The following CCSER1 variants were observed in gnomAD, a reference collection of about 807,000 sequenced individuals.
The protein encoded by CCSER1 is serine-rich coiled-coil domain-containing protein 1.
Under a neutral mutation model 82.0 loss-of-function variants are expected in CCSER1, and 41 were observed. The observed-to-expected ratio is 0.50, with a 90% confidence interval of 0.39 to 0.65. The LOEUF (loss-of-function observed/expected upper bound fraction) is 0.65, where lower values mean the gene tolerates loss of function less well. Among genes scored for constraint, CCSER1 ranks in the 30% least tolerant of loss-of-function variants. The pLI, the probability that CCSER1 is intolerant of heterozygous loss-of-function variation, is 0.00. For missense variants in CCSER1, 1,119 were observed against 1,064.2 expected, an observed-to-expected ratio of 1.05 and a Z score of -0.72; for synonymous variants, 414 against 383.9, an observed-to-expected ratio of 1.08 and a Z score of -0.92.
At chr4:91,384,333 G>A (rs893138937) in intron 10 of CCSER1, among the ~76,000 whole-genome samples, 1 of 151,900 alleles carries the variant, frequency 6.6e-6, no homozygotes, top group Non-Finnish European at 1.5e-5. Flanking sequence ...AAGTAACTGG[G>A]AAAACAATTC....
chr4:90,198,828 T>C (rs1366260564), intron 1 of CCSER1, among the ~76,000 whole-genome samples: 1 of 152,200 alleles, frequency 6.6e-6, no homozygotes, highest in East Asian at 1.9e-4. Flanking sequence ...TATAAAGCTT[T>C]GCATGAATAG....
intron 5 of CCSER1, among the ~76,000 whole-genome samples, chr4:90,602,068 G>C (rs1279520113): frequency 6.6e-6 from 1 of 152,086 alleles, no homozygotes; most frequent in East Asian, 1.9e-4. Flanking sequence ...TGTTGTTCTA[G>C]TCTTCTACAT....
chr4:91,467,802 A>G (rs1202057314), intron 10 of CCSER1, among the ~76,000 whole-genome samples: 1 of 152,232 alleles, frequency 6.6e-6, no homozygotes, highest in Non-Finnish European at 1.5e-5. Flanking sequence ...CCACAATGAG[A>G]TACCATCTCA....
At chr4:90,778,244 G>C (rs1042331489) in intron 7 of CCSER1, among the ~76,000 whole-genome samples, 5 of 152,084 alleles carry the variant, frequency 3.3e-5, no homozygotes, top group Non-Finnish European at 5.9e-5. Context: ...TGTTGAGTCT[G>C]TATTTTACAC....
intron 10 of CCSER1, among the ~76,000 whole-genome samples, chr4:91,366,128 C>T (rs1749598331): frequency 6.6e-6 from 1 of 152,116 alleles, no homozygotes; most frequent in Non-Finnish European, 1.5e-5. Flanking sequence ...AAGTGAGTCT[C>T]CTGACTCAGC....
At chr4:90,955,104 T>C (rs183809046) in intron 9 of CCSER1, among the ~76,000 whole-genome samples, 1 of 152,332 alleles carries the variant, frequency 6.6e-6, no homozygotes, top group East Asian at 1.9e-4. Context: ...CGTGTTCGTG[T>C]TCTATGTATT....
chr4:90,863,083 T>G (rs1261378954), intron 8 of CCSER1, among the ~76,000 whole-genome samples: 3 of 150,966 alleles, frequency 2.0e-5, no homozygotes, highest in South Asian at 4.2e-4. Flanking sequence ...ATGCTATCCC[T>G]CCCCGCTCCC....
At chr4:91,594,430 C>CACAT (rs1367112124) in intron 10 of CCSER1, among the ~76,000 whole-genome samples, 1 of 146,964 alleles carries the variant, frequency 6.8e-6, no homozygotes, top group Admixed American at 6.9e-5. Flanking sequence ...TACATATATA[C>CACAT]ATATACACAC....
rs1278390740 is a variant in CCSER1 at position 90,188,486 on chromosome 4, G to A, written c.-42+60655G>A. On this transcript the variant is annotated intron_variant, in intron 1 of 10. Transcript: ENST00000509176. The stretch of plus-strand genomic sequence containing the variant: ...AAGATTACCAAATAAATGCTGAAAT[G>A]TGAAAATATCAAAACCAATTATTTT... Among the ~76,000 whole-genome samples, 4 of 123,888 alleles carry A rather than the reference G, an allele frequency of 3.2e-5. No homozygotes were observed. In the East Asian group the frequency reaches 7.8e-4, roughly 24 times the overall value. 81.3% of individuals were successfully genotyped at this position (123,888 alleles called of 152,430 possible).
At chr4:90,606,065 C>T (rs1185054091) in intron 5 of CCSER1, among the ~76,000 whole-genome samples, 4 of 151,890 alleles carry the variant, frequency 2.6e-5, no homozygotes, top group Admixed American at 2.6e-4. Flanking sequence ...AGGAATTTCC[C>T]TTTGAAAGAA....
intron 10 of CCSER1, among the ~76,000 whole-genome samples, chr4:91,102,899 G>C (rs1725222981): frequency 6.6e-6 from 1 of 152,010 alleles, no homozygotes; most frequent in Non-Finnish European, 1.5e-5. Context: ...GAAGCTAATT[G>C]CCACCTCAAA....
intron 5 of CCSER1, among the ~76,000 whole-genome samples, chr4:90,514,036 A>T (rs1221646218): frequency 6.6e-6 from 1 of 152,172 alleles, no homozygotes; most frequent in African/African-American, 2.4e-5. Flanking sequence ...TTCAAGCAGG[A>T]GCCAGATTTC....
intron 5 of CCSER1, among the ~76,000 whole-genome samples, chr4:90,597,643 C>T (rs1579373088): frequency 6.6e-6 from 1 of 151,968 alleles, no homozygotes; most frequent in African/African-American, 2.4e-5. Flanking sequence ...TATCTGTCAT[C>T]TGGTATACTT....
chr4:90,720,561 T>C (rs1742498724), intron 6 of CCSER1, among the ~76,000 whole-genome samples: 1 of 152,044 alleles, frequency 6.6e-6, no homozygotes, highest in Non-Finnish European at 1.5e-5. Context: ...CAAGATTTAA[T>C]AGAGTGAAAA....
At chr4:91,128,345 T>G (rs1727692276) in intron 10 of CCSER1, among the ~76,000 whole-genome samples, 4 of 152,048 alleles carry the variant, frequency 2.6e-5, no homozygotes, top group Admixed American at 2.6e-4. Context: ...CTTCTTCAAC[T>G]TTAAAAGGAA....
At chr4:91,506,218 G>A (rs1295152569) in intron 10 of CCSER1, among the ~76,000 whole-genome samples, 3 of 152,050 alleles carry the variant, frequency 2.0e-5, no homozygotes, top group African/African-American at 7.2e-5. Context: ...GTTTTTGTCA[G>A]GTTTGTCAAA....
intron 1 of CCSER1, among the ~76,000 whole-genome samples, chr4:90,179,170 C>A (rs1264217435): frequency 1.3e-5 from 2 of 152,054 alleles, no homozygotes; most frequent in East Asian, 3.9e-4. Flanking sequence ...CAAGTAAAAT[C>A]AGTTTTCTTT....
At chr4:91,291,623 T>G (rs759925675) in intron 10 of CCSER1, among the ~76,000 whole-genome samples, 2 of 151,918 alleles carry the variant, frequency 1.3e-5, no homozygotes, top group Non-Finnish European at 2.9e-5. Flanking sequence ...CCAGATCTCA[T>G]GAAGAACTCG....
intron 3 of CCSER1, among the ~76,000 whole-genome samples, chr4:90,380,216 C>A (rs1294019254): frequency 7.9e-5 from 12 of 151,994 alleles, no homozygotes; most frequent in Non-Finnish European, 1.0e-4. Context: ...GTGAACGTCT[C>A]AGAAAAGTGG....
Sources: allele counts gnomAD v4.1 joint callset (sites outside exome capture counted in the v4.1 genomes callset), GRCh38; gene constraint gnomAD v4.1.1; transcripts MANE v1.5; gene names NCBI Gene and HGNC (gene_info 2026-07-23, HGNC 2026-07-21).